The following ZFHX3 variants were observed in gnomAD, a reference collection of about 807,000 sequenced individuals.
ZFHX3 encodes zinc finger homeobox protein 3.
In ZFHX3, 42 loss-of-function variants were observed where a neutral mutation model predicts 279.1. The observed-to-expected ratio is 0.15, with a 90% CI of 0.12 to 0.19. The LOEUF (loss-of-function observed/expected upper bound fraction) is 0.19, where lower values mean the gene tolerates loss of function less well. Ranked by LOEUF, ZFHX3 falls within the 10% of genes least tolerant of loss-of-function variation. The pLI is 1.00. For missense variants in ZFHX3, 4,981 were observed against 4,754.0 expected (o/e 1.05, Z -1.40); for synonymous variants, 2,293 against 1,957.8 (o/e 1.17, Z -4.52).
Position 72,889,838 on chromosome 16 carries a change from C to A in ZFHX3, c.3341G>T (p.Arg1114Leu). 1 of 1,614,094 alleles carries A rather than the reference C, an allele frequency of 6.2e-7. No homozygotes were observed. Among genetic ancestry groups the A allele is most frequent in the African/African-American group, 1.3e-5 (1 of 75,052 alleles). Residue 1114 changes from arginine to leucine, a missense_variant, in exon 4 of 10, where the codon CGA becomes CTA. Physicochemically the swap from Arg to Leu is moderately radical, Grantham distance 102. This residue lies in a region of ZFHX3 where 1,751 missense variants were observed against 1,770.0 expected (regional missense o/e 0.99). Coordinates refer to ENST00000268489, the MANE Select transcript of ZFHX3 (RefSeq NM_006885.4). ...IQHVRSMKHQRSESLRKLQRL... is the reference protein window; with the variant it reads ...IQHVRSMKHQLSESLRKLQRL... ...CTGCAGCTTTCGCAGGCTCTCGCTTCGCTGGTGCTTCATGGAGCGCACATG... is the reference window on the plus strand; with the variant it reads ...CTGCAGCTTTCGCAGGCTCTCGCTTAGCTGGTGCTTCATGGAGCGCACATG...
chr16:73,421,131 G>A (rs2017710244), intron 3 of ZFHX3: 1 of 148,922 alleles, frequency 6.7e-6, no homozygotes, highest in Admixed American at 6.8e-5. Flanking sequence ...TGTTTCAGAA[G>A]ATGATTGTTC....
At chr16:73,621,584 G>T (rs1293766486) in intron 2 of ZFHX3, among the ~76,000 whole-genome samples, 2 of 152,160 alleles carry the variant, frequency 1.3e-5, no homozygotes, top group Admixed American at 6.5e-5. Context: ...CACAGCATCG[G>T]GGAGGGAGAA....
chr16:73,143,734 A>T (rs753881172), intron 6 of ZFHX3: 1 of 1,304,132 alleles, frequency 7.7e-7, no homozygotes, highest in Non-Finnish European at 1.0e-6. Flanking sequence ...ATTGAGAAAC[A>T]AGAAAGCTGG....
chr16:73,587,499 A>G (rs2051939748), intron 2 of ZFHX3, among the ~76,000 whole-genome samples: 1 of 152,218 alleles, frequency 6.6e-6, no homozygotes, highest in South Asian at 2.1e-4. Flanking sequence ...TTGAACTAAA[A>G]GCAACCCGCG....
At chr16:73,262,238 G>A (rs1367451918) in intron 4 of ZFHX3, among the ~76,000 whole-genome samples, 2 of 152,194 alleles carry the variant, frequency 1.3e-5, no homozygotes, top group African/African-American at 4.8e-5. Context: ...AGGTTGAATT[G>A]CTTGAGTTTC....
At chr16:73,052,325 A>G (rs1487188077), upstream of ZFHX3, among the ~76,000 whole-genome samples, 2 of 150,512 alleles carry the variant, frequency 1.3e-5, no homozygotes, top group Non-Finnish European at 2.9e-5. Flanking sequence ...TACAACAACC[A>G]GGGTTGGAGT....
intron 2 of ZFHX3, among the ~76,000 whole-genome samples, chr16:73,494,881 A>G (rs1186009783): frequency 6.6e-6 from 1 of 152,084 alleles, no homozygotes; most frequent in Non-Finnish European, 1.5e-5. Flanking sequence ...CTACGTGTTT[A>G]AGAGGGAACC....
At position 72,963,086 on chromosome 16, in the gene ZFHX3, GT is replaced by G. The variant is rs373367191; in HGVS notation, c.-49-2893del. Among the ~76,000 whole-genome samples, 768 of 152,268 alleles carry G rather than the reference GT, an allele frequency of 5.0e-3. 5 individuals carry two copies. The highest frequency in any genetic ancestry group is 0.014 in the African/African-American group (584 of 41,536). ...GATCAGCACTCTGTCTGTAAACACG[GT>G]TTCCCGTAAAATCAATGATCTTCAG... On this transcript the variant is annotated intron_variant, in intron 1 of 9. Coordinates refer to ENST00000268489, the MANE Select transcript of ZFHX3 (RefSeq NM_006885.4).
At chr16:73,721,612 G>A (rs1367844426) in intron 1 of ZFHX3, among the ~76,000 whole-genome samples, 1 of 152,164 alleles carries the variant, frequency 6.6e-6, no homozygotes, top group Non-Finnish European at 1.5e-5. Flanking sequence ...TGCACCATCT[G>A]CTCTTCAGCA....
intron 1 of ZFHX3, among the ~76,000 whole-genome samples, chr16:73,874,364 A>G (rs1046566051): frequency 6.6e-6 from 1 of 152,192 alleles, no homozygotes; most frequent in Non-Finnish European, 1.5e-5. Flanking sequence ...CTGGATTCCA[A>G]TTTAACCCCC....
chr16:73,462,530 G>C (rs1446886687), intron 2 of ZFHX3, among the ~76,000 whole-genome samples: 1 of 152,118 alleles, frequency 6.6e-6, no homozygotes, highest in African/African-American at 2.4e-5. Flanking sequence ...TTATCATTAA[G>C]TATAACACTA....
chr16:73,835,591 C>T (rs952421050), intron 1 of ZFHX3, among the ~76,000 whole-genome samples: 24 of 150,956 alleles, frequency 1.6e-4, no homozygotes, highest in Non-Finnish European at 2.9e-4. Context: ...CTGCCTCAGC[C>T]TCCCAAGTAG....
At chr16:73,294,548 C>A (rs1357593588) in intron 4 of ZFHX3, among the ~76,000 whole-genome samples, 1 of 152,204 alleles carries the variant, frequency 6.6e-6, no homozygotes, top group African/African-American at 2.4e-5. Flanking sequence ...AGGTGGCTCA[C>A]GCCTGTAATC....
chr16:73,696,034 G>A (rs377660647), intron 1 of ZFHX3, among the ~76,000 whole-genome samples: 8 of 152,204 alleles, frequency 5.3e-5, no homozygotes, highest in East Asian at 1.9e-4. Context: ...GAGGGAAATT[G>A]CAGCTCAAAC....
At chr16:73,816,535 T>C (rs1207056956) in intron 1 of ZFHX3, among the ~76,000 whole-genome samples, 2 of 152,214 alleles carry the variant, frequency 1.3e-5, no homozygotes, top group Non-Finnish European at 2.9e-5. Flanking sequence ...CAAGACTTTA[T>C]GGCCCACAAA....
intron 1 of ZFHX3, among the ~76,000 whole-genome samples, chr16:73,822,737 G>C (rs890188175): frequency 3.3e-5 from 5 of 152,188 alleles, no homozygotes; most frequent in Non-Finnish European, 5.9e-5. Flanking sequence ...GTGGCATGAG[G>C]CATAATCCAT....
chr16:73,548,632 T>G (rs2020159968), intron 2 of ZFHX3, among the ~76,000 whole-genome samples: 1 of 152,104 alleles, frequency 6.6e-6, no homozygotes, highest in African/African-American at 2.4e-5. Context: ...AAAATCATCT[T>G]TAAACAATGG....
In ZFHX3 at chr16:72,787,725, G is replaced by GCCACTGCCA; in HGVS notation, c.10550_10551insTGGCAGTGG (p.Gly3518_Gly3519insSerGlyGly). The stretch of plus-strand genomic sequence containing the variant: ...CGCCGCCGCCGCCGCCGCCACCGCC[G>GCCACTGCCA]CCGCCGCCGCCACTGCCACCGCCGC... On this transcript the variant is annotated inframe_insertion, in exon 10 of 10. Transcript: ENST00000268489. The GCCACTGCCA allele has an allele frequency of 7.2e-7, 1 of 1,379,446 alleles. No homozygotes were observed. Among genetic ancestry groups the GCCACTGCCA allele is most frequent in the Non-Finnish European group, 9.4e-7 (1 of 1,067,370 alleles). 85.5% of individuals were successfully genotyped at this position (1,379,446 alleles called of 1,614,324 possible).
intron 3 of ZFHX3, among the ~76,000 whole-genome samples, chr16:73,377,224 G>A (rs933825817): frequency 4.0e-5 from 6 of 151,874 alleles, no homozygotes; most frequent in African/African-American, 1.5e-4. Context: ...CACCCACCTC[G>A]GCCTCCCAAA....
Sources: allele counts gnomAD v4.1 joint callset (sites outside exome capture counted in the v4.1 genomes callset), GRCh38; gene constraint gnomAD v4.1.1; regional missense constraint gnomAD v4.1.1; transcripts MANE v1.5; gene names NCBI Gene and HGNC (gene_info 2026-07-23, HGNC 2026-07-21).